The following CNTLN variants were observed in gnomAD, a reference collection of about 807,000 sequenced individuals.
CNTLN encodes centlein, centrosomal protein.
CNTLN carries 212 observed loss-of-function variants against 180.0 expected under a neutral mutation model. The observed-to-expected ratio is 1.18, with a 90% CI of 1.05 to 1.32. CNTLN has a LOEUF of 1.32. CNTLN is among the 40% of genes most tolerant of loss of function. The probability of loss-of-function intolerance (pLI) is 0.00; values close to 1 mark genes in which losing one functional copy is unlikely to be tolerated. For synonymous variants in CNTLN, 722 were observed against 563.1 expected, an observed-to-expected ratio of 1.28 and a Z score of -3.99; for missense variants, 2,095 against 1,610.9, an observed-to-expected ratio of 1.30 and a Z score of -5.14.
the CNTLN span, among the ~76,000 whole-genome samples, chr9:17,528,001 C>A: frequency 6.6e-6 from 1 of 151,928 alleles, no homozygotes; most frequent in Non-Finnish European, 1.5e-5. Context: ...TCCATACTGA[C>A]ACAAATAATA....
intron 12 of CNTLN, among the ~76,000 whole-genome samples, chr9:17,364,178 A>G (rs1333465368): frequency 6.6e-6 from 1 of 152,152 alleles, no homozygotes; most frequent in Non-Finnish European, 1.5e-5. Flanking sequence ...ATCCTGAGCT[A>G]TTAATATTTT....
intron 23 of CNTLN, among the ~76,000 whole-genome samples, chr9:17,470,725 T>C (rs1832007016): frequency 6.6e-6 from 1 of 152,014 alleles, no homozygotes; most frequent in South Asian, 2.1e-4. Context: ...TTAATGTGCC[T>C]GTATGTGAGA....
intron 2 of CNTLN, among the ~76,000 whole-genome samples, chr9:17,186,081 C>T (rs1474517459): frequency 2.0e-5 from 3 of 152,106 alleles, no homozygotes; most frequent in African/African-American, 4.8e-5. Context: ...TATGAGCCAC[C>T]GTGTCAGCCC....
intron 13 of CNTLN, among the ~76,000 whole-genome samples, chr9:17,373,771 C>A (rs1824525119): frequency 6.6e-6 from 1 of 152,058 alleles, no homozygotes; most frequent in Non-Finnish European, 1.5e-5. Flanking sequence ...AAAATTGACA[C>A]ATAGACCAAT....
intron 6 of CNTLN, among the ~76,000 whole-genome samples, chr9:17,288,439 A>G (rs1176684141): frequency 1.4e-5 from 2 of 142,624 alleles, no homozygotes; most frequent in African/African-American, 5.6e-5. Flanking sequence ...TATGTGGTCA[A>G]TTTTGGAATA....
intron 10 of CNTLN, 117 bp from the exon 11 acceptor site, chr9:17,340,710 T>G: frequency 1.3e-6 from 1 of 754,042 alleles, no homozygotes; most frequent in Middle Eastern, 2.8e-4. Context: ...CAGATTCATT[T>G]ATGTTTACAC....
Position 17,143,375 on chromosome 9 carries a change from AG to A in CNTLN, c.449+1del, listed in dbSNP as rs775267414. ...LTQVVSLVVE[R>X]EKQKSEAKDR... is the part of the protein sequence containing the mutation. ...ACAAGTGGTCAGTTTGGTTGTGGAAAGGTGAGCTCTCAAATTATTTTTTCAT... is the reference window on the plus strand; with the variant it reads ...ACAAGTGGTCAGTTTGGTTGTGGAAAGTGAGCTCTCAAATTATTTTTTCAT... On this transcript the variant is annotated frameshift_variant and splice_region_variant, in exon 2 of 26. Coordinates refer to ENST00000380647, the MANE Select transcript of CNTLN (RefSeq NM_017738.4). LOFTEE classifies it high-confidence loss of function. 5.0e-6 allele frequency: 8 copies of A among 1,611,578 alleles called. No individual in the cohort carries two copies. In the Admixed American group the frequency reaches 1.3e-4, roughly 27 times the overall value.
chr9:17,357,602 C>CATAT (rs200119813), intron 12 of CNTLN, among the ~76,000 whole-genome samples: 69 of 140,984 alleles, frequency 4.9e-4, no homozygotes, highest in Admixed American at 6.4e-4. Flanking sequence ...ATAAATACTA[C>CATAT]ATATATATAT....
At chr9:17,328,831 T>C (rs569633847) in intron 8 of CNTLN, among the ~76,000 whole-genome samples, 9 of 152,248 alleles carry the variant, frequency 5.9e-5, no homozygotes, top group East Asian at 3.9e-4. Context: ...TGATTTTTTA[T>C]TGAGGAATTT....
chr9:17,245,862 C>T (rs1365932344), intron 5 of CNTLN, among the ~76,000 whole-genome samples: 1 of 151,842 alleles, frequency 6.6e-6, no homozygotes, highest in East Asian at 1.9e-4. Context: ...TTACATTTTT[C>T]AGTTCCAGAA....
At chr9:17,436,386 A>G (rs1465825395) in intron 18 of CNTLN, among the ~76,000 whole-genome samples, 1 of 152,234 alleles carries the variant, frequency 6.6e-6, no homozygotes, top group Non-Finnish European at 1.5e-5. Flanking sequence ...AATTTGCTTC[A>G]TATGTTGTCC....
chr9:17,436,629 T>A (rs756150615), intron 18 of CNTLN, among the ~76,000 whole-genome samples: 7 of 152,218 alleles, frequency 4.6e-5, no homozygotes, highest in African/African-American at 1.7e-4. Flanking sequence ...ATCTTCATTT[T>A]AAAAATTTCT....
chr9:17,199,203 CTTTTTTTT>C lies in CNTLN; in HGVS notation c.450-26981_450-26974del, dbSNP rs763632027. ...CTCGCCAGCATCTGTTGTTTCTTGA[CTTTTTTTT>C]TTTTTTTTTTTTTTTTTTGAGACAG... On this transcript the variant is annotated intron_variant, in intron 2 of 25. Coordinates refer to ENST00000380647, the MANE Select transcript of CNTLN (RefSeq NM_017738.4). Among the ~76,000 whole-genome samples the C allele has an allele frequency of 2.6e-4, 19 of 73,794 alleles. No homozygotes were observed. In the South Asian group the frequency reaches 2.8e-3, roughly 11 times the overall value. 48.4% of individuals were successfully genotyped at this position (73,794 alleles called of 152,430 possible). A position where few individuals can be genotyped will look rare whatever the true frequency, so the allele number is the denominator to read the frequency against.
chr9:17,276,146 T>A (rs1441037573), intron 6 of CNTLN, among the ~76,000 whole-genome samples: 1 of 152,090 alleles, frequency 6.6e-6, no homozygotes, highest in Non-Finnish European at 1.5e-5. Context: ...AGTTGAAATT[T>A]TGAAAATAAG....
chr9:17,153,957 C>T (rs550799406), intron 2 of CNTLN, among the ~76,000 whole-genome samples: 3 of 152,220 alleles, frequency 2.0e-5, no homozygotes, highest in Admixed American at 2.0e-4. Flanking sequence ...GCTATTGATA[C>T]TTGTGTAGTC....
At chr9:17,167,007 A>G in intron 2 of CNTLN, 1 of 274,668 alleles carries the variant, frequency 3.6e-6, no homozygotes, top group Non-Finnish European at 7.5e-6. Flanking sequence ...TTCTTTAAGA[A>G]GGATGACTCT....
chr9:17,528,047 G>A, the CNTLN span, among the ~76,000 whole-genome samples: 1 of 151,846 alleles, frequency 6.6e-6, no homozygotes, highest in Non-Finnish European at 1.5e-5. Flanking sequence ...GAGAAGAATA[G>A]ACAAGTCTCC....
chr9:17,157,634 T>C (rs1370324279), intron 2 of CNTLN, among the ~76,000 whole-genome samples: 4 of 152,190 alleles, frequency 2.6e-5, no homozygotes, highest in African/African-American at 9.7e-5. Flanking sequence ...CTCTCCAATG[T>C]TGGTGGCCAT....
At chr9:17,423,790 C>T (rs957696378) in intron 18 of CNTLN, among the ~76,000 whole-genome samples, 3 of 152,132 alleles carry the variant, frequency 2.0e-5, no homozygotes, top group African/African-American at 7.2e-5. Context: ...AGCAGAATTC[C>T]GCCTTGTGTT....
Sources: gnomAD v4.1 joint callset for allele counts (sites outside exome capture counted in the v4.1 genomes callset) on GRCh38, gnomAD v4.1.1 for gene constraint, MANE v1.5 for transcripts, NCBI Gene and HGNC (gene_info 2026-07-23, HGNC 2026-07-21) for gene names.